The following ATF2 variants were observed in gnomAD, a reference collection of about 807,000 sequenced individuals.
ATF2 encodes cyclic AMP-dependent transcription factor ATF-2.
In ATF2, 24 loss-of-function variants were observed where a neutral mutation model predicts 60.6. The ratio of observed to expected loss-of-function variants is 0.40; its 90% CI spans 0.29 to 0.56. The LOEUF (loss-of-function observed/expected upper bound fraction) is 0.56. ATF2 is among the 20% of genes least tolerant of loss of function. The pLI is 0.54. For missense variants in ATF2, 433 were observed against 607.7 expected (o/e 0.71, Z 3.02); for synonymous variants, 206 against 215.4 (o/e 0.96, Z 0.38).
At chr2:175,153,703 G>A (rs1263519053) in intron 1 of ATF2, among the ~76,000 whole-genome samples, 4 of 151,894 alleles carry the variant, frequency 2.6e-5, no homozygotes, top group Non-Finnish European at 5.9e-5. Flanking sequence ...GGTGGCGGAT[G>A]CCTGTAGTCC....
chr2:175,104,745 A>C (rs899562222), intron 10 of ATF2, among the ~76,000 whole-genome samples: 1 of 152,214 alleles, frequency 6.6e-6, no homozygotes, highest in African/African-American at 2.4e-5. Context: ...AAAAAAGTAA[A>C]CCAATACCAC....
intron 2 of ATF2, among the ~76,000 whole-genome samples, chr2:175,141,879 T>C (rs1372948300): frequency 1.3e-5 from 2 of 152,124 alleles, no homozygotes; most frequent in Non-Finnish European, 2.9e-5. Context: ...AAAATAAATA[T>C]TCCTCCATAC....
At chr2:175,092,717 CA>C (rs1030240891) in intron 12 of ATF2, 24 of 349,850 alleles carry the variant, frequency 6.9e-5, no homozygotes, top group Admixed American at 8.6e-5. Flanking sequence ...TGCTATAAAC[CA>C]AAAAAATAGA....
intron 1 of ATF2, among the ~76,000 whole-genome samples, chr2:175,154,457 G>GGTTGT (rs1699535008): frequency 6.6e-6 from 1 of 151,310 alleles, no homozygotes; most frequent in Non-Finnish European, 1.5e-5. Context: ...ACCTGCCTGA[G>GGTTGT]GTTGTTTTAA....
intron 11 of ATF2, among the ~76,000 whole-genome samples, chr2:175,096,582 T>C (rs928902932): frequency 1.3e-5 from 2 of 152,174 alleles, no homozygotes; most frequent in East Asian, 1.9e-4. Context: ...GTTCTGCTAG[T>C]AACGGAAACA....
At chr2:175,091,655 G>A (rs943238404) in intron 12 of ATF2, among the ~76,000 whole-genome samples, 4 of 152,102 alleles carry the variant, frequency 2.6e-5, no homozygotes, top group Non-Finnish European at 5.9e-5. Flanking sequence ...CTGAGGTCAG[G>A]AGTTCGAGAC....
At chr2:175,120,998 T>C (rs1574418919) in intron 5 of ATF2, among the ~76,000 whole-genome samples, 1 of 151,920 alleles carries the variant, frequency 6.6e-6, no homozygotes, top group East Asian at 1.9e-4. Flanking sequence ...TACAAATGTT[T>C]AGTCTGAAAA....
intron 12 of ATF2, among the ~76,000 whole-genome samples, chr2:175,084,028 C>G (rs562735826): frequency 6.6e-6 from 1 of 152,254 alleles, no homozygotes; most frequent in Non-Finnish European, 1.5e-5. Flanking sequence ...AATAGGAACA[C>G]TTTTACACTG....
chr2:175,156,525 C>A (rs955449317), intron 1 of ATF2, among the ~76,000 whole-genome samples: 4 of 151,688 alleles, frequency 2.6e-5, no homozygotes, highest in Non-Finnish European at 5.9e-5. Flanking sequence ...AGAAGTCAGA[C>A]AGGTTAGAAG....
intron 2 of ATF2, among the ~76,000 whole-genome samples, chr2:175,149,962 T>C (rs1332196488): frequency 1.3e-5 from 2 of 152,160 alleles, no homozygotes; most frequent in Admixed American, 1.3e-4. Context: ...GCACATGCAA[T>C]AGGGTAGGAA....
intron 12 of ATF2, among the ~76,000 whole-genome samples, chr2:175,089,544 T>C (rs975764564): frequency 6.6e-6 from 1 of 152,202 alleles, no homozygotes; most frequent in Non-Finnish European, 1.5e-5. Flanking sequence ...TAGGGTTTAA[T>C]TATTTCTCTG....
At chr2:175,122,034 C>T (rs1696990969) in intron 4 of ATF2, among the ~76,000 whole-genome samples, 1 of 151,662 alleles carries the variant, frequency 6.6e-6, no homozygotes, top group Non-Finnish European at 1.5e-5. Context: ...TTTTATGTTA[C>T]CACATAAAAA....
chr2:175,158,277 G>A (rs994558232), intron 1 of ATF2, among the ~76,000 whole-genome samples: 2 of 139,624 alleles, frequency 1.4e-5, no homozygotes, highest in Admixed American at 7.5e-5. Context: ...TGCTCTGTAA[G>A]TACAGTGGCC....
intron 1 of ATF2, among the ~76,000 whole-genome samples, chr2:175,165,513 G>GA (rs543262574): frequency 1.4e-4 from 22 of 152,264 alleles, no homozygotes; most frequent in African/African-American, 3.1e-4. Context: ...AATTTGGGTA[G>GA]AAAAAATGTA....
intron 1 of ATF2, among the ~76,000 whole-genome samples, chr2:175,160,399 A>G (rs1198175907): frequency 6.6e-6 from 1 of 152,148 alleles, no homozygotes; most frequent in Non-Finnish European, 1.5e-5. Flanking sequence ...AAATAAAGTA[A>G]GACTATGGAT....
At chr2:175,080,987 C>G (rs1693719413) in intron 12 of ATF2, among the ~76,000 whole-genome samples, 1 of 152,100 alleles carries the variant, frequency 6.6e-6, no homozygotes, top group Admixed American at 6.6e-5. Flanking sequence ...AATGCCACAG[C>G]TGGATAGCAT....
At chr2:175,091,688 C>A (rs1198815007) in intron 12 of ATF2, among the ~76,000 whole-genome samples, 1 of 151,870 alleles carries the variant, frequency 6.6e-6, no homozygotes, top group African/African-American at 2.4e-5. Flanking sequence ...CATGGTGAAA[C>A]CCCATCTCTA....
chr2:175,106,966 C>G (rs1695716135), intron 10 of ATF2, among the ~76,000 whole-genome samples: 1 of 152,100 alleles, frequency 6.6e-6, no homozygotes, highest in Admixed American at 6.5e-5. Flanking sequence ...GAGTTCAAGA[C>G]AAGCCTGGCA....
chr2:175,121,487 T>C lies in ATF2; in HGVS notation c.156A>G (p.Thr52=). The C allele has an allele frequency of 3.1e-6, 5 of 1,605,194 alleles. No individual in the cohort carries two copies. The highest frequency in any genetic ancestry group is 4.3e-6 in the Non-Finnish European group (5 of 1,174,982). The change falls in exon 5 of 14, where the codon ACA becomes ACG. Residue 52 remains threonine, a synonymous_variant. Transcript: ENST00000264110. ...LAVHKHKHEM[T]LKFGPARNDS... is the part of the protein sequence containing the mutation. The stretch of plus-strand genomic sequence containing the variant: ...CATTACGTGCTGGACCAAATTTCAG[T>C]GTCATCTCATGTTTATGTTTATGGA...
Sources: gnomAD v4.1 joint callset for allele counts (sites outside exome capture counted in the v4.1 genomes callset) on GRCh38, gnomAD v4.1.1 for gene constraint, MANE v1.5 for transcripts, NCBI Gene and HGNC (gene_info 2026-07-23, HGNC 2026-07-21) for gene names.